Variants in DAB1 observed in about 807,000 individuals in gnomAD.
DAB1 encodes DAB adaptor protein 1.
Under a neutral mutation model 64.6 loss-of-function variants are expected in DAB1, and 15 were observed. The ratio of observed to expected loss-of-function variants is 0.23; its 90% CI spans 0.16 to 0.36. The LOEUF (loss-of-function observed/expected upper bound fraction) is 0.36, where lower values mean the gene tolerates loss of function less well. DAB1 is among the 10% of genes least tolerant of loss of function. The pLI, the probability that DAB1 is intolerant of heterozygous loss-of-function variation, is 1.00. For missense variants in DAB1, 596 were observed against 706.7 expected, an observed-to-expected ratio of 0.84 and a Z score of 1.78; for synonymous variants, 235 against 251.9, an observed-to-expected ratio of 0.93 and a Z score of 0.64.
In DAB1 at chr1:58,069,508, C is replaced by A. The variant is rs541297573; in HGVS notation, n.387+81003G>T. On this transcript the variant is annotated intron_variant and non_coding_transcript_variant, in intron 5 of 20. Coordinates refer to the DAB1 transcript ENST00000485760. The stretch of plus-strand genomic sequence containing the variant: ...ACATAACCAATCCTATGCACTGTGG[C>A]GGGCAATTGTCCCTATTTTAAAAAT... Among the ~76,000 whole-genome samples, 6 of 152,138 alleles carry A rather than the reference C, an allele frequency of 3.9e-5. No homozygotes were observed. The South Asian group carries it at 1.3e-3, about 32-fold the overall frequency.
intron 2 of DAB1, among the ~76,000 whole-genome samples, chr1:57,161,311 A>G (rs1478374208): frequency 1.3e-5 from 2 of 152,210 alleles, no homozygotes; most frequent in African/African-American, 4.8e-5. Flanking sequence ...GCCTAATCAA[A>G]AGAGAACAAC....
chr1:58,530,619 T>C (rs746371650), intron 1 of DAB1: 4 of 872,540 alleles, frequency 4.6e-6, no homozygotes, highest in Non-Finnish European at 6.0e-6. Context: ...ATTTAGACTG[T>C]ATCCACTGGC....
chr1:57,933,328 T>C (rs1644979728), intron 5 of DAB1, among the ~76,000 whole-genome samples: 1 of 152,200 alleles, frequency 6.6e-6, no homozygotes, highest in Non-Finnish European at 1.5e-5. Context: ...ATAAGAAGAG[T>C]TGCTGATTTT....
At chr1:58,056,668 G>T (rs1465181426) in intron 5 of DAB1, among the ~76,000 whole-genome samples, 1 of 152,008 alleles carries the variant, frequency 6.6e-6, no homozygotes, top group Non-Finnish European at 1.5e-5. Context: ...TCAGCCCAGG[G>T]CCCCCAGATG....
intron 9 of DAB1, among the ~76,000 whole-genome samples, chr1:57,061,228 TGG>T (rs5774326): frequency 0.26 from 29,778 of 114,908 alleles, 3,756 homozygotes; most frequent in East Asian, 0.53. Flanking sequence ...CATATTTAGA[TGG>T]GGGGGGGGGG....
At chr1:58,251,887 A>C (rs538412252) in intron 4 of DAB1, among the ~76,000 whole-genome samples, 8 of 152,248 alleles carry the variant, frequency 5.3e-5, no homozygotes, top group Middle Eastern at 3.4e-3. Context: ...AGTGTCCCAC[A>C]GTGCTGAATA....
chr1:57,717,204 T>A (rs1243534194), intron 6 of DAB1, among the ~76,000 whole-genome samples: 1 of 150,608 alleles, frequency 6.6e-6, no homozygotes, highest in Non-Finnish European at 1.5e-5. Flanking sequence ...ACCATTGCAC[T>A]CCAGCCTGGG....
At chr1:57,039,405 G>A (rs1329059668) in intron 9 of DAB1, among the ~76,000 whole-genome samples, 2 of 152,212 alleles carry the variant, frequency 1.3e-5, no homozygotes, top group Admixed American at 1.3e-4. Flanking sequence ...TGCTTGGTAG[G>A]TGAGGGTAGA....
chr1:57,722,711 A>G (rs138089778), intron 6 of DAB1, among the ~76,000 whole-genome samples: 199 of 152,278 alleles, frequency 1.3e-3, no homozygotes, highest in Admixed American at 2.3e-3. Context: ...GGATTGGAGC[A>G]CTCATACGTG....
At chr1:58,098,052 A>T (rs903422963) in intron 5 of DAB1, among the ~76,000 whole-genome samples, 1 of 152,212 alleles carries the variant, frequency 6.6e-6, no homozygotes, top group Admixed American at 6.5e-5. Context: ...TGGACAAAGC[A>T]GACAGTAGAG....
At chr1:58,221,685 C>T (rs1446262046) in intron 4 of DAB1, among the ~76,000 whole-genome samples, 10 of 152,202 alleles carry the variant, frequency 6.6e-5, no homozygotes, top group Non-Finnish European at 1.0e-4. Context: ...CAGAGTTCCC[C>T]GAAGGTCACT....
intron 4 of DAB1, among the ~76,000 whole-genome samples, chr1:57,132,430 C>T (rs182658431): frequency 3.0e-4 from 46 of 152,212 alleles, no homozygotes; most frequent in Non-Finnish European, 1.5e-5. Flanking sequence ...CCTCAGGAAA[C>T]ACAGGGCTGC....
At position 58,524,957 on chromosome 1, in the gene DAB1, C is replaced by G. The variant is rs143759262; in HGVS notation, n.107+2304G>C. Among the ~76,000 whole-genome samples, 34 of 152,278 alleles carry G rather than the reference C, an allele frequency of 2.2e-4. No homozygotes were observed. The East Asian group carries it at 5.8e-3, about 26-fold the overall frequency. ...AGTAGATATTCACAATATTTGAGAT[C>G]ACTGCATTAGCAACAGGAAGTGAAT... is the stretch of plus-strand genomic sequence containing the variant. On this transcript the variant is annotated intron_variant and non_coding_transcript_variant, in intron 2 of 20. Transcript: ENST00000485760.
intron 9 of DAB1, among the ~76,000 whole-genome samples, chr1:57,039,561 T>C (rs975263237): frequency 1.3e-5 from 2 of 152,150 alleles, no homozygotes; most frequent in Non-Finnish European, 2.9e-5. Context: ...CTTCCCCCAG[T>C]TTTTAACACC....
chr1:58,219,495 G>A (rs1329094174), intron 4 of DAB1, among the ~76,000 whole-genome samples: 1 of 152,098 alleles, frequency 6.6e-6, no homozygotes, highest in African/African-American at 2.4e-5. Context: ...ACCAACCTCT[G>A]GGCCCCTTCT....
chr1:57,170,223 T>C (rs1350039754), intron 2 of DAB1, among the ~76,000 whole-genome samples: 1 of 152,144 alleles, frequency 6.6e-6, no homozygotes. Context: ...GATCTCGAAC[T>C]CTTGACCCCA....
intron 4 of DAB1, among the ~76,000 whole-genome samples, chr1:58,178,573 G>C (rs1656613218): frequency 6.6e-6 from 1 of 152,220 alleles, no homozygotes; most frequent in African/African-American, 2.4e-5. Flanking sequence ...CTGGTTGATA[G>C]TAAGCACGGT....
At chr1:57,772,475 G>A (rs921400999) in intron 6 of DAB1, among the ~76,000 whole-genome samples, 6 of 152,110 alleles carry the variant, frequency 3.9e-5, no homozygotes, top group African/African-American at 1.2e-4. Context: ...GAATAAAGCT[G>A]CTGTGAACAT....
At chr1:57,708,158 A>C (rs1418526314) in intron 6 of DAB1, among the ~76,000 whole-genome samples, 1 of 152,154 alleles carries the variant, frequency 6.6e-6, no homozygotes, top group African/African-American at 2.4e-5. Flanking sequence ...AAGGCCCAAG[A>C]CCACTTCAGT....
Sources: allele counts gnomAD v4.1 joint callset (sites outside exome capture counted in the v4.1 genomes callset), GRCh38; gene constraint gnomAD v4.1.1; transcripts MANE v1.5; gene names NCBI Gene and HGNC (gene_info 2026-07-23, HGNC 2026-07-21).